The following COL4A2 variants were observed in gnomAD, a reference collection of about 807,000 sequenced individuals.
The protein encoded by COL4A2 is collagen type IV alpha 2 chain.
In COL4A2, 99 loss-of-function variants were observed where a neutral mutation model predicts 200.2. That is an observed-to-expected ratio of 0.49 (90% CI 0.42 to 0.58). The LOEUF (loss-of-function observed/expected upper bound fraction) is 0.58, where lower values mean the gene tolerates loss of function less well. Ranked by LOEUF, COL4A2 falls within the 20% of genes least tolerant of loss-of-function variation. The pLI, the probability that COL4A2 is intolerant of heterozygous loss-of-function variation, is 0.00. For missense variants in COL4A2, 1,950 were observed against 2,314.1 expected, an observed-to-expected ratio of 0.84 and a Z score of 3.23; for synonymous variants, 897 against 900.6, an observed-to-expected ratio of 1.00 and a Z score of 0.07.
In COL4A2 at chr13:110,428,395, G is replaced by A. The variant is rs1447953716; in HGVS notation, c.361-72G>A. On this transcript the variant is annotated intron_variant, in intron 6 of 47. Coordinates refer to ENST00000360467, the MANE Select transcript of COL4A2 (RefSeq NM_001846.4). Reference sequence around the variant, plus strand: ...ACATGGCTTATGAGAATATAAGACTGTTTTATCTCACAGTTACATGACAAC... The same window carrying A: ...ACATGGCTTATGAGAATATAAGACTATTTTATCTCACAGTTACATGACAAC... The A allele has an allele frequency of 4.5e-6, 4 of 896,710 alleles. No homozygotes were observed. In the African/African-American group the frequency reaches 7.0e-5, roughly 16 times the overall value. 55.5% of individuals were successfully genotyped at this position (896,710 alleles called of 1,614,324 possible).
rs1221960065 is a variant in COL4A2 at position 110,348,011 on chromosome 13, C to T, written c.100-9461C>T. Among the ~76,000 whole-genome samples the T allele has an allele frequency of 4.6e-5, 7 of 152,230 alleles. No individual in the cohort carries two copies. In the East Asian group the frequency reaches 1.3e-3, roughly 29 times the overall value. On this transcript the variant is annotated intron_variant, in intron 3 of 47. Transcript: ENST00000360467. ...TCTGGGAGACCGTAAAGGATTGCTTCCAGACAGGAAGGACGTCTGTCTTCC... is the reference window on the plus strand; with the variant it reads ...TCTGGGAGACCGTAAAGGATTGCTTTCAGACAGGAAGGACGTCTGTCTTCC...
intron 16 of COL4A2, among the ~76,000 whole-genome samples, chr13:110,443,394 A>G (rs1254251650): frequency 2.0e-5 from 3 of 152,238 alleles, no homozygotes; most frequent in East Asian, 1.9e-4. Flanking sequence ...AAGCCTAGCC[A>G]TACATTCTTT....
intron 4 of COL4A2, among the ~76,000 whole-genome samples, chr13:110,396,175 A>T (rs145085415): frequency 1.2e-4 from 18 of 152,282 alleles, no homozygotes; most frequent in African/African-American, 4.3e-4. Context: ...AGTTCCTCCG[A>T]TTATTAACAT....
intron 4 of COL4A2, among the ~76,000 whole-genome samples, chr13:110,376,332 G>C (rs1025179717): frequency 3.3e-5 from 5 of 152,146 alleles, no homozygotes; most frequent in Non-Finnish European, 5.9e-5. Flanking sequence ...GTCGGAGCCT[G>C]TTTTTATTGC....
chr13:110,436,318 A>C lies in COL4A2; in HGVS notation c.776A>C (p.His259Pro). The C allele has an allele frequency of 6.2e-7, 1 of 1,614,004 alleles. No homozygotes were observed. The highest frequency in any genetic ancestry group is 1.1e-5 in the South Asian group (1 of 91,058). Residue 259 changes from histidine (H) to proline (P), a missense_variant, in exon 13 of 48, where the codon CAC (histidine) becomes CCC (proline). Transcript: ENST00000360467. Reference sequence around the variant, plus strand: ...AACGGGATTCCATCAGACACCCTCCACCCCATCATCGCGCCCACAGGAGTC... The same window carrying C: ...AACGGGATTCCATCAGACACCCTCCCCCCCATCATCGCGCCCACAGGAGTC... The part of the protein sequence containing the change: ...GPNGIPSDTL[H>P]PIIAPTGVTF...
At chr13:110,467,302 C>A (rs370931864) in intron 27 of COL4A2, among the ~76,000 whole-genome samples, 1 of 152,228 alleles carries the variant, frequency 6.6e-6, no homozygotes, top group Non-Finnish European at 1.5e-5. Flanking sequence ...GTAGCTGACA[C>A]TTAGTTGGGG....
At chr13:110,422,846 C>A (rs1375888279) in intron 4 of COL4A2, among the ~76,000 whole-genome samples, 1 of 152,228 alleles carries the variant, frequency 6.6e-6, no homozygotes, top group African/African-American at 2.4e-5. Context: ...CCACACCCCT[C>A]CATGCTACTG....
chr13:110,482,944 C>T (rs1307239160), intron 32 of COL4A2, among the ~76,000 whole-genome samples: 1 of 152,150 alleles, frequency 6.6e-6, no homozygotes, highest in Non-Finnish European at 1.5e-5. Context: ...CATATTCCAC[C>T]ATGATTATAC....
intron 3 of COL4A2, among the ~76,000 whole-genome samples, chr13:110,316,019 G>A (rs894631129): frequency 4.6e-5 from 7 of 152,176 alleles, no homozygotes; most frequent in Admixed American, 2.6e-4. Flanking sequence ...AAAACTAGCC[G>A]TATATGATGA....
intron 4 of COL4A2, among the ~76,000 whole-genome samples, chr13:110,388,031 T>G (rs1878830954): frequency 1.3e-5 from 2 of 152,082 alleles, no homozygotes; most frequent in African/African-American, 2.4e-5. Flanking sequence ...TGACTGAAAA[T>G]GGACTAAATG....
intron 4 of COL4A2, among the ~76,000 whole-genome samples, chr13:110,381,214 A>G (rs1362259665): frequency 1.0e-4 from 15 of 147,590 alleles, no homozygotes; most frequent in Admixed American, 3.4e-4. Flanking sequence ...CACAGGTTCT[A>G]TCTCACACCC....
chr13:110,344,781 C>T (rs923247709), intron 3 of COL4A2, among the ~76,000 whole-genome samples: 2 of 152,224 alleles, frequency 1.3e-5, no homozygotes, highest in African/African-American at 2.4e-5. Flanking sequence ...TCAGCACTTC[C>T]TTACACCCCC....
chr13:110,308,477 G>A (rs7986000), intron 3 of COL4A2, among the ~76,000 whole-genome samples: 14,285 of 152,116 alleles, frequency 0.094, 931 homozygotes, highest in African/African-American at 0.18. Flanking sequence ...GCCAGGCTTA[G>A]GGCGAAAAAA....
intron 4 of COL4A2, among the ~76,000 whole-genome samples, chr13:110,413,493 C>T (rs1879926534): frequency 6.6e-6 from 1 of 152,208 alleles, no homozygotes; most frequent in African/African-American, 2.4e-5. Context: ...ATGCTTGAGT[C>T]ACATCCTCTA....
Position 110,349,902 on chromosome 13 carries a change from T to A in COL4A2, c.100-7570T>A, listed in dbSNP as rs1294948884. Among the ~76,000 whole-genome samples the A allele has an allele frequency of 3.3e-5, 5 of 152,168 alleles. No individual in the cohort carries two copies. In the East Asian group the frequency reaches 9.6e-4, roughly 29 times the overall value. ...TCTCAACCTCGTGAGTAGTTGGTAT[T>A]ACAAGCGTGAGCCACCATGTCCAGC... On this transcript the variant is annotated intron_variant, in intron 3 of 47. Coordinates refer to ENST00000360467, the MANE Select transcript of COL4A2 (RefSeq NM_001846.4).
intron 16 of COL4A2, among the ~76,000 whole-genome samples, chr13:110,440,082 C>G (rs1475281637): frequency 6.6e-6 from 1 of 152,198 alleles, no homozygotes; most frequent in East Asian, 1.9e-4. Flanking sequence ...TCGACCCCAC[C>G]AGCCATGGTT....
At chr13:110,461,087 C>T (rs1424798260) in intron 22 of COL4A2, among the ~76,000 whole-genome samples, 5 of 152,216 alleles carry the variant, frequency 3.3e-5, no homozygotes, top group Non-Finnish European at 7.3e-5. Context: ...CCCTGCTCAT[C>T]GTGGAAAGAG....
At chr13:110,324,902 A>G (rs1376928158) in intron 3 of COL4A2, among the ~76,000 whole-genome samples, 1 of 152,192 alleles carries the variant, frequency 6.6e-6, no homozygotes, top group East Asian at 1.9e-4. Context: ...GATAATTTTC[A>G]TCTGTTGGTT....
At chr13:110,388,464 C>CCCTG (rs1409376695) in intron 4 of COL4A2, among the ~76,000 whole-genome samples, 1 of 152,220 alleles carries the variant, frequency 6.6e-6, no homozygotes, top group Non-Finnish European at 1.5e-5. Context: ...AGAGAATGAG[C>CCCTG]CCTGTACTCT....
Sources: allele counts gnomAD v4.1 joint callset (sites outside exome capture counted in the v4.1 genomes callset), GRCh38; gene constraint gnomAD v4.1.1; transcripts MANE v1.5; gene names NCBI Gene and HGNC (gene_info 2026-07-23, HGNC 2026-07-21).